Variants in SSPN observed in about 807,000 individuals in gnomAD.
SSPN encodes K-ras oncogene-associated protein.
A neutral mutation model predicts 19.1 loss-of-function variants in SSPN; 15 were observed. The ratio of observed to expected loss-of-function variants is 0.78; its 90% confidence interval spans 0.52 to 1.21. SSPN has a LOEUF of 1.21. Among genes scored for constraint, SSPN ranks in the 50% most tolerant of loss-of-function variants. The pLI, the probability that SSPN is intolerant of heterozygous loss-of-function variation, is 0.00. For synonymous variants in SSPN, 147 were observed against 140.3 expected (o/e 1.05, Z -0.34); for missense variants, 291 against 314.0 (o/e 0.93, Z 0.55).
At chr12:26,162,397 A>G (rs552705331) in intron 1 of SSPN, among the ~76,000 whole-genome samples, 41 of 152,320 alleles carry the variant, frequency 2.7e-4, no homozygotes, top group African/African-American at 9.1e-4. Context: ...TCTTATCCTC[A>G]GTAGACTGTT....
chr12:26,122,893 C>T (rs1024843654), intron 1 of SSPN: 1 of 1,550,700 alleles, frequency 6.4e-7, no homozygotes, highest in Non-Finnish European at 8.7e-7. Flanking sequence ...AGCTTCTGCC[C>T]CGCGCGCTCC....
chr12:26,212,552 T>A (rs1326044773), intron 1 of SSPN, among the ~76,000 whole-genome samples: 1 of 152,102 alleles, frequency 6.6e-6, no homozygotes, highest in Non-Finnish European at 1.5e-5. Context: ...AGGCTCTGTG[T>A]CGAAACCCAA....
chr12:26,195,370 G>A (rs1463152033), upstream of SSPN: 1 of 333,364 alleles, frequency 3.0e-6, no homozygotes, highest in Non-Finnish European at 5.4e-6. Context: ...CCTGTCTGAA[G>A]TGCAGAGGTT....
In SSPN at chr12:26,210,053, A is replaced by T. The variant is rs944288413; in HGVS notation, c.279+14102A>T. 3.3e-5 allele frequency among the ~76,000 whole-genome samples: 5 copies of T among 152,064 alleles called. No individual in the cohort carries two copies. The South Asian group carries it at 1.0e-3, about 31-fold the overall frequency. ...TGTTTCCTTAACTTACTTATTATGA[A>T]AAATTTCAAGCATACACAAGAGTAG... On this transcript the variant is annotated intron_variant, in intron 1 of 2. Transcript: ENST00000242729.
intron 1 of SSPN, among the ~76,000 whole-genome samples, chr12:26,214,226 G>C (rs74905439): frequency 0.011 from 1,735 of 152,238 alleles, 28 homozygotes; most frequent in African/African-American, 0.039. Flanking sequence ...CAGCCTGCAT[G>C]GTCATTTGGA....
Position 26,189,483 on chromosome 12 carries a change from C to T in SSPN, c.-30-34810C>T, listed in dbSNP as rs188491636. Reference sequence around the variant, plus strand: ...CTACCTCAGCCTATGAAGGACTTTCCTCTAAAACTTTCCCATCTCAAGGAA... The same window carrying T: ...CTACCTCAGCCTATGAAGGACTTTCTTCTAAAACTTTCCCATCTCAAGGAA... On this transcript the variant is annotated intron_variant, in intron 1 of 2. Transcript: ENST00000538142. Among the ~76,000 whole-genome samples the T allele has an allele frequency of 2.2e-3, 333 of 152,242 alleles. 3 individuals carry two copies. The highest frequency in any genetic ancestry group is 7.8e-3 in the African/African-American group (326 of 41,542).
chr12:26,145,561 C>T (rs1944485394), intron 1 of SSPN, among the ~76,000 whole-genome samples: 1 of 152,220 alleles, frequency 6.6e-6, no homozygotes, highest in Non-Finnish European at 1.5e-5. Context: ...CGTTCTGTCT[C>T]ATACAGAGCC....
chr12:26,207,843 T>G (rs780119501), intron 1 of SSPN, among the ~76,000 whole-genome samples: 10 of 152,030 alleles, frequency 6.6e-5, no homozygotes, highest in Non-Finnish European at 1.3e-4. Flanking sequence ...ATACTTTTTG[T>G]AGAGAAATTA....
chr12:26,168,577 A>G (rs1432887964), intron 1 of SSPN, among the ~76,000 whole-genome samples: 1 of 152,238 alleles, frequency 6.6e-6, no homozygotes, highest in African/African-American at 2.4e-5. Context: ...ACTTGATTAA[A>G]TCTAATAAGT....
At position 26,211,857 on chromosome 12, in the gene SSPN, C is replaced by T. The variant is rs183665681; in HGVS notation, c.280-12436C>T. ...TTGGTGGGAAAAATTATATAAAATT[C>T]TAGTTATCAAGTAGTTTCAAACAAT... On this transcript the variant is annotated intron_variant, in intron 1 of 2. Transcript: ENST00000242729. Among the ~76,000 whole-genome samples, 235 of 152,286 alleles carry T rather than the reference C, an allele frequency of 1.5e-3. 3 individuals carry two copies. Among genetic ancestry groups the T allele is most frequent in the Middle Eastern group, 0.014 (4 of 294 alleles).
At chr12:26,179,382 G>T (rs1400860525) in intron 1 of SSPN, among the ~76,000 whole-genome samples, 1 of 152,150 alleles carries the variant, frequency 6.6e-6, no homozygotes, top group East Asian at 1.9e-4. Flanking sequence ...TGGATGACTG[G>T]ATCTCACTCA....
At chr12:26,123,516 G>C (rs1402095914) in intron 1 of SSPN, 10 of 824,512 alleles carry the variant, frequency 1.2e-5, no homozygotes, top group Non-Finnish European at 2.1e-5. Context: ...CAAATGAGAG[G>C]GAACCCATGA....
chr12:26,158,247 C>G (rs1944567419), intron 1 of SSPN, among the ~76,000 whole-genome samples: 1 of 151,166 alleles, frequency 6.6e-6, no homozygotes, highest in Non-Finnish European at 1.5e-5. Context: ...TCTTTCTTTT[C>G]CTCCCTCCCA....
intron 1 of SSPN, chr12:26,122,596 G>A: frequency 9.0e-7 from 1 of 1,115,836 alleles, no homozygotes; most frequent in Non-Finnish European, 1.1e-6. Context: ...GCAGGGTCGG[G>A]CCCCAGAAGC....
chr12:26,195,647 A>T lies in SSPN; in HGVS notation c.-26A>T. 5.7e-6 allele frequency: 1 copy of T among 174,026 alleles called. No individual in the cohort carries two copies. The highest frequency in any genetic ancestry group is 8.9e-6 in the Non-Finnish European group (1 of 112,902). The allele number at this position is 174,026 out of a possible 1,614,324, so 10.8% of individuals were successfully genotyped here. On this transcript the variant is annotated 5_prime_UTR_variant, in exon 1 of 3. Transcript: ENST00000242729. ...GGCCCAGGGCGCCGCACACGCACCC[A>T]CCCACCCACCCAGCCTCGCAGCGCC...
intron 1 of SSPN, among the ~76,000 whole-genome samples, chr12:26,154,881 G>A (rs902475753): frequency 6.6e-6 from 1 of 152,110 alleles, no homozygotes; most frequent in Non-Finnish European, 1.5e-5. Flanking sequence ...GAAAGTAGTG[G>A]GGTTTGGGCC....
At chr12:26,129,969 A>G (rs902563684) in intron 1 of SSPN, among the ~76,000 whole-genome samples, 1 of 152,214 alleles carries the variant, frequency 6.6e-6, no homozygotes, top group East Asian at 1.9e-4. Flanking sequence ...CCAAGCCCAA[A>G]GACCACAATA....
intron 1 of SSPN, among the ~76,000 whole-genome samples, chr12:26,151,555 T>C (rs1322313830): frequency 1.3e-5 from 2 of 152,180 alleles, no homozygotes; most frequent in African/African-American, 4.8e-5. Context: ...ATACCTAGTG[T>C]GTGTCAGGCA....
At chr12:26,207,304 T>A (rs1418294916) in intron 1 of SSPN, among the ~76,000 whole-genome samples, 1 of 152,200 alleles carries the variant, frequency 6.6e-6, no homozygotes, top group Non-Finnish European at 1.5e-5. Context: ...CATAATAACA[T>A]AGAAAATAAT....
Sources: allele counts gnomAD v4.1 joint callset (sites outside exome capture counted in the v4.1 genomes callset), GRCh38; gene constraint gnomAD v4.1.1; transcripts MANE v1.5; gene names NCBI Gene and HGNC (gene_info 2026-07-23, HGNC 2026-07-21).